The following RANBP2 variants were observed in gnomAD, a reference collection of about 807,000 sequenced individuals.
RANBP2 encodes RAN binding protein 2.
RANBP2 carries 57 observed loss-of-function variants against 303.6 expected under a neutral mutation model. That is an observed-to-expected ratio of 0.19 (90% CI 0.15 to 0.23). The LOEUF is 0.23. Among genes scored for constraint, RANBP2 ranks in the 10% least tolerant of loss-of-function variants. RANBP2 has a pLI of 1.00. For missense variants in RANBP2, 3,138 were observed against 3,780.8 expected, an observed-to-expected ratio of 0.83 and a Z score of 4.46; for synonymous variants, 1,167 against 1,301.5, an observed-to-expected ratio of 0.90 and a Z score of 2.23.
At chr2:109,296,085 G>T in the RANBP2 span, among the ~76,000 whole-genome samples, 85 of 152,110 alleles carry the variant, frequency 5.6e-4, no homozygotes, top group African/African-American at 2.0e-3. Context: ...AGCCAGGTTG[G>T]CCCCCCAGAA....
chr2:109,313,054 A>T, the RANBP2 span, among the ~76,000 whole-genome samples: 1 of 152,188 alleles, frequency 6.6e-6, no homozygotes, highest in Non-Finnish European at 1.5e-5. Flanking sequence ...GAGGCAGGAG[A>T]CAGGGAACCC....
the RANBP2 span, among the ~76,000 whole-genome samples, chr2:109,701,374 CG>C: frequency 6.6e-6 from 1 of 151,996 alleles, no homozygotes; most frequent in South Asian, 2.1e-4. Flanking sequence ...CCAAGGTGGT[CG>C]GGGGTACAGT....
chr2:108,796,916 A>G, the RANBP2 span, among the ~76,000 whole-genome samples: 1 of 152,212 alleles, frequency 6.6e-6, no homozygotes, highest in Non-Finnish European at 1.5e-5. Flanking sequence ...ACAATAGGGA[A>G]ATTATAGTTA....
At chr2:109,313,945 T>C in the RANBP2 span, among the ~76,000 whole-genome samples, 1 of 152,236 alleles carries the variant, frequency 6.6e-6, no homozygotes, top group African/African-American at 2.4e-5. Context: ...GTTTGGACTT[T>C]GTTTTGTAGG....
chr2:108,812,472 C>T, the RANBP2 span: 2,550 of 161,106 alleles, frequency 0.016, 76 homozygotes, highest in African/African-American at 0.058. Flanking sequence ...TAGGGAAAAA[C>T]GACAACTTCA....
At chr2:108,793,604 G>GTT in the RANBP2 span, among the ~76,000 whole-genome samples, 1 of 145,490 alleles carries the variant, frequency 6.9e-6, no homozygotes, top group African/African-American at 2.5e-5. Context: ...GTTTTGTTTT[G>GTT]TTTTTTTTTT....
chr2:109,572,284 C>T, the RANBP2 span, among the ~76,000 whole-genome samples: 10 of 152,084 alleles, frequency 6.6e-5, no homozygotes, highest in African/African-American at 2.2e-4. Context: ...GCGCATGCCA[C>T]GACGCCCGGC....
At chr2:109,451,892 T>C in the RANBP2 span, among the ~76,000 whole-genome samples, 1 of 152,220 alleles carries the variant, frequency 6.6e-6, no homozygotes, top group African/African-American at 2.4e-5. Flanking sequence ...GTGGGAGCAG[T>C]CCACGCTGCA....
the RANBP2 span, among the ~76,000 whole-genome samples, chr2:108,990,006 A>G: frequency 6.6e-6 from 1 of 152,152 alleles, no homozygotes; most frequent in Non-Finnish European, 1.5e-5. Flanking sequence ...AGAGCTTAAG[A>G]AAGAAACAGT....
the RANBP2 span, among the ~76,000 whole-genome samples, chr2:109,601,421 G>A: frequency 6.6e-6 from 1 of 152,236 alleles, no homozygotes; most frequent in Middle Eastern, 3.4e-3. Context: ...TCAGTACAGG[G>A]TATTAACAAT....
chr2:108,763,154 G>T, intron 19 of RANBP2, 83 bp from the exon 20 acceptor site: 1 of 1,428,270 alleles, frequency 7.0e-7, no homozygotes. Context: ...ATTCATGTTT[G>T]AAGTTTGTGA....
At chr2:109,337,048 T>A in the RANBP2 span, among the ~76,000 whole-genome samples, 4 of 152,260 alleles carry the variant, frequency 2.6e-5, no homozygotes, top group Non-Finnish European at 5.9e-5. Flanking sequence ...GCTTAACATT[T>A]TTTAACATAA....
chr2:109,665,643 A>C, the RANBP2 span: 3 of 155,720 alleles, frequency 1.9e-5, no homozygotes, highest in Non-Finnish European at 4.3e-5. Context: ...AACTGGCCTG[A>C]TCGCAGGCAG....
the RANBP2 span, among the ~76,000 whole-genome samples, chr2:109,760,567 G>C: frequency 2.1e-5 from 3 of 142,526 alleles, no homozygotes; most frequent in African/African-American, 7.5e-5. Context: ...CGGGGGCGGG[G>C]GGCGTCGGGA....
intron 1 of RANBP2, among the ~76,000 whole-genome samples, chr2:108,720,816 A>G (rs1254452242): frequency 6.6e-6 from 1 of 152,194 alleles, no homozygotes; most frequent in African/African-American, 2.4e-5. Context: ...GAGGCCGAGG[A>G]GGGCGGATTG....
the RANBP2 span, among the ~76,000 whole-genome samples, chr2:109,586,266 T>C: frequency 2.0e-5 from 3 of 152,188 alleles, no homozygotes; most frequent in Non-Finnish European, 4.4e-5. Flanking sequence ...CAGAGTAACT[T>C]AGGTCAAACT....
rs771529815 is a variant in RANBP2, at chr2:108,719,614, G to C, written c.8G>C (p.Arg3Pro). 1 of 1,605,242 alleles carries C rather than the reference G, an allele frequency of 6.2e-7. No individual in the cohort carries two copies. The highest frequency in any genetic ancestry group is 1.1e-5 in the South Asian group (1 of 89,456). MR[R>P]SKADVERYIA... ...AGCCAGGTTGGCGGCGCGATGAGGCGCAGCAAGGCTGACGTGGAGCGGTAC... is the reference window on the plus strand; with the variant it reads ...AGCCAGGTTGGCGGCGCGATGAGGCCCAGCAAGGCTGACGTGGAGCGGTAC... Residue 3 changes from arginine (R) to proline (P), a missense_variant, in exon 1 of 29, where the codon CGC becomes CCC. Physicochemically the swap from Arg to Pro is moderately radical, Grantham distance 103. Transcript: ENST00000283195.
the RANBP2 span, among the ~76,000 whole-genome samples, chr2:108,870,440 T>G: frequency 6.6e-6 from 1 of 152,124 alleles, no homozygotes; most frequent in Non-Finnish European, 1.5e-5. Flanking sequence ...GGAAAGATAA[T>G]TTAGAGAAAT....
At chr2:109,416,529 C>T in the RANBP2 span, among the ~76,000 whole-genome samples, 6 of 152,064 alleles carry the variant, frequency 3.9e-5, no homozygotes, top group Non-Finnish European at 8.8e-5. Context: ...GGATTACAGG[C>T]GTGCGCCATC....
Sources: allele counts gnomAD v4.1 joint callset (sites outside exome capture counted in the v4.1 genomes callset), GRCh38; gene constraint gnomAD v4.1.1; transcripts MANE v1.5; gene names NCBI Gene and HGNC (gene_info 2026-07-23, HGNC 2026-07-21).